The following EDRF1 variants were observed in gnomAD, a reference collection of about 807,000 sequenced individuals.
The protein encoded by EDRF1 is erythroid differentiation-related factor 1.
In EDRF1, 69 loss-of-function variants were observed where a neutral mutation model predicts 148.7. The ratio of observed to expected loss-of-function variants is 0.46; its 90% CI spans 0.38 to 0.57. The LOEUF (loss-of-function observed/expected upper bound fraction) is 0.57, where lower values mean the gene tolerates loss of function less well. EDRF1 is among the 20% of genes least tolerant of loss of function. EDRF1 has a pLI of 0.00. For missense variants in EDRF1, 1,118 were observed against 1,478.7 expected, an observed-to-expected ratio of 0.76 and a Z score of 4.00; for synonymous variants, 515 against 532.8, an observed-to-expected ratio of 0.97 and a Z score of 0.46.
rs1349902699 is a variant in EDRF1 at position 125,742,196 on chromosome 10, T to G, written c.2372-862T>G. The G allele has an allele frequency of 6.2e-6, 8 of 1,283,060 alleles. No individual in the cohort carries two copies. The Admixed American group carries it at 9.2e-5, about 15-fold the overall frequency. The allele number at this position is 1,283,060 out of a possible 1,614,324, so 79.5% of individuals were successfully genotyped here. A position where few individuals can be genotyped will look rare whatever the true frequency, so the allele number is the denominator to read the frequency against. The stretch of plus-strand genomic sequence containing the variant: ...TCATAGCCACCTGTCTTGCTTAATA[T>G]GTCACTCTGTTTGGAATTGTCAGGC... On this transcript the variant is annotated intron_variant, in intron 17 of 24. Coordinates refer to ENST00000356792, the MANE Select transcript of EDRF1 (RefSeq NM_001202438.2).
chr10:125,736,579 C>T (rs1366513303), intron 13 of EDRF1, among the ~76,000 whole-genome samples: 2 of 152,146 alleles, frequency 1.3e-5, no homozygotes, highest in African/African-American at 2.4e-5. Context: ...AATTTAAGCA[C>T]TGAGTGTAAC....
chr10:125,755,515 C>G (rs1341250023), intron 24 of EDRF1, among the ~76,000 whole-genome samples: 1 of 152,174 alleles, frequency 6.6e-6, no homozygotes, highest in South Asian at 2.1e-4. Context: ...CTCATAAAGT[C>G]TGTGGGTTCA....
In EDRF1 at chr10:125,719,726, T is replaced by C. The variant is rs1004793950; in HGVS notation, c.-82T>C. 6 of 1,097,376 alleles carry C rather than the reference T, an allele frequency of 5.5e-6. No homozygotes were observed. Among genetic ancestry groups the C allele is most frequent in the African/African-American group, 3.2e-5 (2 of 63,256 alleles). The allele number at this position is 1,097,376 out of a possible 1,614,324, so 68.0% of individuals were successfully genotyped here. ...GGAAGTGCGGTCCGCGGAGCGTCTC[T>C]GGCGCTTACCCTGCTTTGGGCCTGC... On this transcript the variant is annotated 5_prime_UTR_variant, in exon 1 of 25. Coordinates refer to ENST00000356792, the MANE Select transcript of EDRF1 (RefSeq NM_001202438.2).
At position 125,733,761 on chromosome 10, in the gene EDRF1, T is replaced by A. The variant is rs1308915960; in HGVS notation, c.1385+18T>A. 2.5e-6 allele frequency: 4 copies of A among 1,594,176 alleles called. No individual in the cohort carries two copies. The highest frequency in any genetic ancestry group is 2.6e-6 in the Non-Finnish European group (3 of 1,162,216). ...TTGTACAAGTGAGTGCTTTAAGAAT[T>A]TAAGATGAAGAAGTAGCCTATTATA... is the stretch of plus-strand genomic sequence containing the variant. On this transcript the variant is annotated intron_variant, in intron 11 of 24. Coordinates refer to ENST00000356792, the MANE Select transcript of EDRF1 (RefSeq NM_001202438.2).
At chr10:125,729,705 A>G (rs1271972864) in intron 8 of EDRF1, among the ~76,000 whole-genome samples, 1 of 152,158 alleles carries the variant, frequency 6.6e-6, no homozygotes, top group African/African-American at 2.4e-5. Context: ...GCCAGTTGAA[A>G]TGGCCACATT....
rs1427682605 is a variant in EDRF1, at chr10:125,719,761, G to A, written c.-47G>A. ...CCTGCTTTGGGCCTGCGTTGCTGCT[G>A]CTGCTCCTCCGCTCCCCCGTCGTAT... On this transcript the variant is annotated 5_prime_UTR_variant, in exon 1 of 25. Transcript: ENST00000356792. 3 of 1,513,546 alleles carry A rather than the reference G, an allele frequency of 2.0e-6. No homozygotes were observed. Among genetic ancestry groups the A allele is most frequent in the Admixed American group, 3.7e-5 (2 of 53,428 alleles). The allele number at this position is 1,513,546 out of a possible 1,614,324, so 93.8% of individuals were successfully genotyped here.
chr10:125,725,902 G>A (rs1347319769), intron 6 of EDRF1, 64 bp downstream of exon 6: 40 of 1,456,876 alleles, frequency 2.7e-5, no homozygotes, highest in African/African-American at 4.4e-5. Context: ...TTAACATCTC[G>A]TTAAAAAAAA....
At chr10:125,721,086 C>A (rs979243617) in intron 1 of EDRF1, 118 bp from the exon 2 acceptor site, 2 of 924,378 alleles carry the variant, frequency 2.2e-6, no homozygotes, top group African/African-American at 1.6e-5. Context: ...CTGTTAGTAA[C>A]ATGTGGCATA....
chr10:125,751,074 G>A (rs1299103372), intron 22 of EDRF1, among the ~76,000 whole-genome samples: 8 of 151,964 alleles, frequency 5.3e-5, no homozygotes, highest in Non-Finnish European at 7.4e-5. Context: ...CAGCCTCCCC[G>A]AGTAGCTGAG....
intron 17 of EDRF1, 50 bp from the exon 18 acceptor site, chr10:125,743,008 G>T: frequency 6.2e-7 from 1 of 1,601,116 alleles, no homozygotes; most frequent in South Asian, 1.1e-5. Flanking sequence ...GGATACTGAG[G>T]AAGAAGGAAT....
In EDRF1 at chr10:125,735,740, G is replaced by C. The variant is rs986026467; in HGVS notation, c.1594G>C (p.Asp532His). The C allele has an allele frequency of 6.2e-7, 1 of 1,613,754 alleles. No individual in the cohort carries two copies. Among genetic ancestry groups the C allele is most frequent in the Non-Finnish European group, 8.5e-7 (1 of 1,179,792 alleles). Residue 532 changes from aspartate to histidine, a missense_variant, in exon 13 of 25, where the codon GAT becomes CAT. Physicochemically the swap from Asp to His is moderately conservative, Grantham distance 81 (BLOSUM62 -1). Around this residue, in one of 3 missense-constraint regions of EDRF1, gnomAD observed 954 missense variants for 1,241.4 expected, o/e 0.77. Coordinates refer to ENST00000356792, the MANE Select transcript of EDRF1 (RefSeq NM_001202438.2). ...AGAATCTCCTTTAAATGAGAATTCT[G>C]ATGAAAGTTATAGTGAAGAGGAGGA... ...NSESPLNENS[D>H]ESYSEEEEEM... is the part of the protein sequence containing the mutation.
chr10:125,719,768 C>T lies in EDRF1; in HGVS notation c.-40C>T, dbSNP rs978852677. 2.6e-6 allele frequency: 4 copies of T among 1,553,354 alleles called. No homozygotes were observed. The highest frequency in any genetic ancestry group is 2.3e-5 in the East Asian group (1 of 43,492). ...TGGGCCTGCGTTGCTGCTGCTGCTC[C>T]TCCGCTCCCCCGTCGTATCGCCTGC... On this transcript the variant is annotated 5_prime_UTR_variant, in exon 1 of 25. Transcript: ENST00000356792.
At chr10:125,734,039 G>A (rs753606226) in intron 11 of EDRF1, 33 bp from the exon 12 acceptor site, 1 of 1,513,806 alleles carries the variant, frequency 6.6e-7, no homozygotes, top group South Asian at 1.1e-5. Context: ...ACGATGAAAT[G>A]GGCAGTAAAG....
At chr10:125,754,068 T>A (rs1849771646) in intron 24 of EDRF1, among the ~76,000 whole-genome samples, 1 of 151,772 alleles carries the variant, frequency 6.6e-6, no homozygotes, top group African/African-American at 2.4e-5. Context: ...ATACAAAAAC[T>A]AACCGGTATG....
In EDRF1 at chr10:125,721,296, TGAAGA is replaced by T; in HGVS notation, c.205_209del (p.Glu69AsnfsTer42). 1 of 1,614,186 alleles carries T rather than the reference TGAAGA, an allele frequency of 6.2e-7. No individual in the cohort carries two copies. The highest frequency in any genetic ancestry group is 8.5e-7 in the Non-Finnish European group (1 of 1,180,036). On this transcript the variant is annotated frameshift_variant, in exon 2 of 25. Transcript: ENST00000356792. LOFTEE classifies it high-confidence loss of function. ...CTCCTCGAACAGCATTTGCACGCCTTGAAGAGAAAACAGACTTGAAACTCCCACCT... is the reference window on the plus strand; with the variant it reads ...CTCCTCGAACAGCATTTGCACGCCTTGAAAACAGACTTGAAACTCCCACCT...
chr10:125,735,529 A>G (rs906330969), intron 12 of EDRF1, 115 bp from the exon 13 acceptor site: 13 of 969,584 alleles, frequency 1.3e-5, no homozygotes, highest in Admixed American at 8.1e-5. Flanking sequence ...GTTACAGTCT[A>G]TATGGTGGAA....
At chr10:125,740,249 G>A (rs571723273) in intron 15 of EDRF1, among the ~76,000 whole-genome samples, 3 of 152,204 alleles carry the variant, frequency 2.0e-5, no homozygotes, top group Admixed American at 6.5e-5. Flanking sequence ...CAGAGTTGCC[G>A]ATGTCAGGGA....
chr10:125,733,324 T>G, intron 9 of EDRF1, 80 bp from the exon 10 acceptor site: 4 of 1,131,490 alleles, frequency 3.5e-6, no homozygotes, highest in African/African-American at 1.6e-5. Flanking sequence ...GACTTCTGCA[T>G]TTGGTTGCTT....
chr10:125,729,991 C>A (rs1176500959), intron 8 of EDRF1, among the ~76,000 whole-genome samples: 1 of 152,186 alleles, frequency 6.6e-6, no homozygotes, highest in Non-Finnish European at 1.5e-5. Context: ...AGTCTTTCTT[C>A]AAGTTGTGTG....
Sources: allele counts gnomAD v4.1 joint callset (sites outside exome capture counted in the v4.1 genomes callset), GRCh38; gene constraint gnomAD v4.1.1; regional missense constraint gnomAD v4.1.1; transcripts MANE v1.5; gene names NCBI Gene and HGNC (gene_info 2026-07-23, HGNC 2026-07-21).